KIAA0319L: variants seen among roughly 807,000 people sequenced by gnomAD.
KIAA0319L encodes the protein dyslexia-associated protein KIAA0319-like protein.
In KIAA0319L, 55 loss-of-function variants were observed where a neutral mutation model predicts 120.1. The ratio of observed to expected loss-of-function variants is 0.46; its 90% CI spans 0.37 to 0.57. The LOEUF (loss-of-function observed/expected upper bound fraction) is 0.57, where lower values mean the gene tolerates loss of function less well. Among genes scored for constraint, KIAA0319L ranks in the 20% least tolerant of loss-of-function variants. The pLI, the probability that KIAA0319L is intolerant of heterozygous loss-of-function variation, is 0.00. For synonymous variants in KIAA0319L, 398 were observed against 471.9 expected, an observed-to-expected ratio of 0.84 and a Z score of 2.03; for missense variants, 1,049 against 1,255.3, an observed-to-expected ratio of 0.84 and a Z score of 2.48.
intron 16 of KIAA0319L, among the ~76,000 whole-genome samples, chr1:35,446,083 C>T (rs914311803): frequency 6.6e-6 from 1 of 152,164 alleles, no homozygotes; most frequent in Admixed American, 6.5e-5. Context: ...TTAAATTCAC[C>T]TGGGGAGCTT....
chr1:35,434,851 G>C lies in KIAA0319L; in HGVS notation c.*43C>G, dbSNP rs777164957. On this transcript the variant is annotated 3_prime_UTR_variant, in exon 21 of 21. Coordinates refer to ENST00000325722, the MANE Select transcript of KIAA0319L (RefSeq NM_024874.5). ...GACTCGGGAGGTAGGAGGACTGGCC[G>C]GGCAGTGTGCTGGGCCCTGCCCTGA... The C allele has an allele frequency of 6.4e-7, 1 of 1,553,288 alleles. No individual in the cohort carries two copies. Among genetic ancestry groups the C allele is most frequent in the African/African-American group, 1.4e-5 (1 of 72,842 alleles).
rs1432715292 is a variant in KIAA0319L at position 35,506,265 on chromosome 1, C to T, written c.666+347G>A. Among the ~76,000 whole-genome samples, 2 of 152,318 alleles carry T rather than the reference C, an allele frequency of 1.3e-5. No individual in the cohort carries two copies. Among genetic ancestry groups the T allele is most frequent in the Middle Eastern group, 3.4e-3 (1 of 294 alleles). On this transcript the variant is annotated intron_variant, in intron 3 of 20. Transcript: ENST00000325722. This position sits in a 1 kb window ranked among gnomAD's most constrained non-coding sequence, Gnocchi z 4.0. ...GAGGAGAACTTGACTGTAACCACAT[C>T]AATCAACTGTTTTGCAATTTGGCAG...
intron 2 of KIAA0319L, among the ~76,000 whole-genome samples, chr1:35,512,914 T>C (rs1163469315): frequency 6.8e-6 from 1 of 147,774 alleles, no homozygotes; most frequent in South Asian, 2.2e-4. Flanking sequence ...GGGATATTAC[T>C]ACAGATTCAA....
At chr1:35,491,840 T>C (rs943045494) in intron 3 of KIAA0319L, among the ~76,000 whole-genome samples, 2 of 152,172 alleles carry the variant, frequency 1.3e-5, no homozygotes, top group Admixed American at 6.5e-5. Flanking sequence ...GTTCTACAGA[T>C]GTTAAAAGGA....
chr1:35,557,606 C>A (rs1648318279), upstream of KIAA0319L: 3 of 448,942 alleles, frequency 6.7e-6, no homozygotes, highest in South Asian at 3.1e-5. Flanking sequence ...AGGCAGTCTG[C>A]ACCTTGCCTC....
chr1:35,516,120 G>T (rs145870904), intron 2 of KIAA0319L, among the ~76,000 whole-genome samples: 1 of 152,264 alleles, frequency 6.6e-6, no homozygotes, highest in Non-Finnish European at 1.5e-5. Context: ...TCCACGAGAT[G>T]TACAAAGAAG....
At chr1:35,504,478 A>T (rs146041900) in intron 3 of KIAA0319L, among the ~76,000 whole-genome samples, 1 of 152,146 alleles carries the variant, frequency 6.6e-6, no homozygotes, top group Non-Finnish European at 1.5e-5. Flanking sequence ...TTACAGGCAT[A>T]AGCCATCACA....
At chr1:35,552,977 C>T (rs1393528406) in intron 2 of KIAA0319L, among the ~76,000 whole-genome samples, 2 of 152,038 alleles carry the variant, frequency 1.3e-5, no homozygotes, top group South Asian at 2.1e-4. Flanking sequence ...ATTCCAGCTA[C>T]TCAGGAGGCT....
chr1:35,504,568 C>T (rs918664328), intron 3 of KIAA0319L, among the ~76,000 whole-genome samples: 1 of 152,084 alleles, frequency 6.6e-6, no homozygotes. Flanking sequence ...ATGTGTTAAT[C>T]GACTGTTTAT....
At chr1:35,545,515 A>C (rs1047669574) in intron 2 of KIAA0319L, among the ~76,000 whole-genome samples, 3 of 152,246 alleles carry the variant, frequency 2.0e-5, no homozygotes, top group Non-Finnish European at 2.9e-5. Context: ...CTGAATTGGA[A>C]TACATCAGGC....
chr1:35,497,707 G>A (rs1320512634), intron 3 of KIAA0319L, among the ~76,000 whole-genome samples: 1 of 152,172 alleles, frequency 6.6e-6, no homozygotes, highest in Non-Finnish European at 1.5e-5. Flanking sequence ...GGAGAAAGGA[G>A]TAACAAAAGA....
intron 3 of KIAA0319L, among the ~76,000 whole-genome samples, chr1:35,504,401 T>G (rs1484264726): frequency 6.6e-6 from 1 of 152,144 alleles, no homozygotes; most frequent in Non-Finnish European, 1.5e-5. Flanking sequence ...TTTCACCGTG[T>G]TATCCAGAAT....
At chr1:35,525,104 T>A (rs748931303) in intron 2 of KIAA0319L, among the ~76,000 whole-genome samples, 2 of 152,320 alleles carry the variant, frequency 1.3e-5, no homozygotes, top group Non-Finnish European at 2.9e-5. Flanking sequence ...ATATGCAATA[T>A]TTGCCTACGT....
At chr1:35,475,149 C>T (rs2149132861) in intron 4 of KIAA0319L, among the ~76,000 whole-genome samples, 1 of 152,308 alleles carries the variant, frequency 6.6e-6, no homozygotes, top group South Asian at 2.1e-4. Context: ...CATTCTTCAT[C>T]TCACATCTCA....
chr1:35,550,656 T>C (rs1647166320), intron 2 of KIAA0319L, among the ~76,000 whole-genome samples: 1 of 152,246 alleles, frequency 6.6e-6, no homozygotes, highest in South Asian at 2.1e-4. Context: ...GACAGCATAT[T>C]GAATATGTAG....
intron 3 of KIAA0319L, among the ~76,000 whole-genome samples, chr1:35,484,767 CATATATATATATAT>C (rs56318513): frequency 0.032 from 1,644 of 51,500 alleles, 56 homozygotes; most frequent in African/African-American, 0.11. Flanking sequence ...AGTTTTTAAT[CATATATATATATAT>C]ATATATATAT....
At chr1:35,448,980 A>C (rs899743930) in intron 15 of KIAA0319L, among the ~76,000 whole-genome samples, 2 of 152,354 alleles carry the variant, frequency 1.3e-5, no homozygotes, top group Middle Eastern at 3.4e-3. Flanking sequence ...TACATTTGGA[A>C]TTTCAAACTG....
intron 2 of KIAA0319L, among the ~76,000 whole-genome samples, chr1:35,543,598 T>G (rs1015184048): frequency 1.3e-5 from 2 of 152,200 alleles, no homozygotes; most frequent in African/African-American, 4.8e-5. Context: ...CTCTGACTGG[T>G]ACAACAGAGG....
At chr1:35,454,848 GT>G (rs1479526370) in intron 10 of KIAA0319L, 1 of 204,640 alleles carries the variant, frequency 4.9e-6, no homozygotes, top group African/African-American at 2.3e-5. Context: ...TAAAAACACT[GT>G]TTAAAAAGAT....
Sources: gnomAD v4.1 joint callset for allele counts (sites outside exome capture counted in the v4.1 genomes callset) on GRCh38, gnomAD v4.1.1 for gene constraint, Gnocchi (gnomAD v3.1) non-coding constraint, MANE v1.5 for transcripts, NCBI Gene and HGNC (gene_info 2026-07-23, HGNC 2026-07-21) for gene names.